The following CCDC180 variants were observed in gnomAD, a reference collection of about 807,000 sequenced individuals.
CCDC180 encodes coiled-coil domain containing 180, also known as coiled-coil domain-containing protein 180.
CCDC180 carries 154 observed loss-of-function variants against 209.2 expected under a neutral mutation model. That is an observed-to-expected ratio of 0.74 (90% CI 0.65 to 0.84). The LOEUF (loss-of-function observed/expected upper bound fraction) is 0.84. Among genes scored for constraint, CCDC180 ranks in the 40% least tolerant of loss-of-function variants. The pLI, the probability that CCDC180 is intolerant of heterozygous loss-of-function variation, is 0.00. For synonymous variants in CCDC180, 778 were observed against 749.1 expected (o/e 1.04, Z -0.63); for missense variants, 1,874 against 1,997.3 (o/e 0.94, Z 1.18).
intron 14 of CCDC180, among the ~76,000 whole-genome samples, 193 bp downstream of exon 14, chr9:97,325,385 T>G (rs1184291104): frequency 6.6e-6 from 1 of 152,152 alleles, no homozygotes; most frequent in Non-Finnish European, 1.5e-5. Flanking sequence ...AGAGCATGCA[T>G]GAGAGACAGA....
In CCDC180 at chr9:97,366,800, G is replaced by T; in HGVS notation, c.4189+100G>T. 1 of 1,281,698 alleles carries T rather than the reference G, an allele frequency of 7.8e-7. No individual in the cohort carries two copies. Among genetic ancestry groups the T allele is most frequent in the Non-Finnish European group, 1.1e-6 (1 of 950,178 alleles). 79.4% of individuals were successfully genotyped at this position (1,281,698 alleles called of 1,614,324 possible). A position where few individuals can be genotyped will look rare whatever the true frequency, so the allele number is the denominator to read the frequency against. On this transcript the variant is annotated intron_variant, in intron 31 of 36. Coordinates refer to ENST00000529487, the MANE Select transcript of CCDC180 (RefSeq NM_020893.6). The surrounding 1 kb of genome is among the most constrained non-coding windows in gnomAD (Gnocchi z 4.3). Reference sequence around the variant, plus strand: ...TGTGGCCTGGATCCTCCCCTCTGGGGGAGGCAGAAGAGCTTCCCTGTGAAA... The same window carrying T: ...TGTGGCCTGGATCCTCCCCTCTGGGTGAGGCAGAAGAGCTTCCCTGTGAAA...
chr9:97,342,679 C>G (rs1826122312), intron 18 of CCDC180, among the ~76,000 whole-genome samples: 1 of 152,180 alleles, frequency 6.6e-6, no homozygotes, highest in Non-Finnish European at 1.5e-5. Context: ...CCTTATGCCT[C>G]CCTGGTTCTC....
chr9:97,359,776 T>G (rs1343972373), intron 25 of CCDC180, among the ~76,000 whole-genome samples: 2 of 152,030 alleles, frequency 1.3e-5, no homozygotes, highest in Non-Finnish European at 1.5e-5. Context: ...AAGGGTGCGT[T>G]GTCCTTCACT....
chr9:97,325,091 G>C lies in CCDC180; in HGVS notation c.1444G>C (p.Val482Leu). ...SHLFKYFQEV[V>L]QLWEAHQSEL... ...CCTCTTCAAGTATTTCCAGGAGGTG[G>C]TACAACTGTGGGAGGCACACCAGAG... Residue 482 changes from valine (V) to leucine (L), a missense_variant, in exon 14 of 37, where the codon GTA becomes CTA. Val to Leu is a conservative substitution (Grantham distance 32, BLOSUM62 1). Coordinates refer to ENST00000529487, the MANE Select transcript of CCDC180 (RefSeq NM_020893.6). The C allele has an allele frequency of 6.2e-7, 1 of 1,614,010 alleles. No individual in the cohort carries two copies. Among genetic ancestry groups the C allele is most frequent in the East Asian group, 2.2e-5 (1 of 44,880 alleles).
chr9:97,363,309 G>A (rs544780463), intron 28 of CCDC180, among the ~76,000 whole-genome samples: 4 of 152,322 alleles, frequency 2.6e-5, no homozygotes, highest in Admixed American at 6.5e-5. Flanking sequence ...GTGATATTGT[G>A]TAGCTTCCTG....
Position 97,308,034 on chromosome 9 carries a change from C to T in CCDC180, c.-30C>T, listed in dbSNP as rs754929611. 8 of 1,612,382 alleles carry T rather than the reference C, an allele frequency of 5.0e-6. No individual in the cohort carries two copies. The highest frequency in any genetic ancestry group is 2.2e-5 in the East Asian group (1 of 44,866). On this transcript the variant is annotated 5_prime_UTR_variant, in exon 2 of 37. Transcript: ENST00000529487. Reference sequence around the variant, plus strand: ...AGACGCGTTTCCTGGACGACGGCTTCCCGGCAGGGGCATCCAGCCAGCGGC... The same window carrying T: ...AGACGCGTTTCCTGGACGACGGCTTTCCGGCAGGGGCATCCAGCCAGCGGC...
intron 22 of CCDC180, among the ~76,000 whole-genome samples, chr9:97,351,763 G>A (rs993279872): frequency 6.6e-6 from 1 of 152,044 alleles, no homozygotes; most frequent in African/African-American, 2.4e-5. Flanking sequence ...CCAAATCATG[G>A]TGATGTAGGG....
chr9:97,334,099 CTTA>C (rs1364488020), intron 18 of CCDC180, among the ~76,000 whole-genome samples: 1 of 151,944 alleles, frequency 6.6e-6, no homozygotes, highest in Non-Finnish European at 1.5e-5. Context: ...CATACATGTT[CTTA>C]TTCTGTTTCC....
rs533490021 is a variant in CCDC180, at chr9:97,340,982, T to G, written c.2275-2358T>G. Among the ~76,000 whole-genome samples the G allele has an allele frequency of 5.9e-5, 9 of 152,348 alleles. No homozygotes were observed. The South Asian group carries it at 1.9e-3, about 32-fold the overall frequency. ...TCCATCCTGTACACCTGGTTCTGCC[T>G]TCTAGATAGCAGTAGTAAATTAGTG... is the stretch of plus-strand genomic sequence containing the variant. On this transcript the variant is annotated intron_variant, in intron 18 of 36. Coordinates refer to ENST00000529487, the MANE Select transcript of CCDC180 (RefSeq NM_020893.6).
At chr9:97,364,404 T>A (rs891248909) in intron 29 of CCDC180, 1 of 380,478 alleles carries the variant, frequency 2.6e-6, no homozygotes, top group Non-Finnish European at 4.7e-6. Flanking sequence ...TGAACTTTTT[T>A]TTGTAATTTT....
intron 16 of CCDC180, among the ~76,000 whole-genome samples, chr9:97,328,557 T>C (rs1048690917): frequency 2.6e-4 from 39 of 152,140 alleles, no homozygotes; most frequent in African/African-American, 9.2e-4. Context: ...CTCTCTCTGC[T>C]TCCCACCTTG....
chr9:97,352,054 C>T (rs1014373227), intron 22 of CCDC180, among the ~76,000 whole-genome samples: 4 of 151,780 alleles, frequency 2.6e-5, no homozygotes, highest in East Asian at 1.9e-4. Flanking sequence ...CGGAGGTTGC[C>T]GTGAGCTGAG....
chr9:97,347,429 C>G lies in CCDC180; in HGVS notation c.2614C>G (p.Leu872Val). Reference protein sequence around the residue: ...NELDSELELHLHLHQPRAQQI... With the variant: ...NELDSELELHVHLHQPRAQQI... ...GCTGGATTCAGAACTGGAGCTGCATCTGCACCTGCACCAGCCAAGAGCCCA... is the reference window on the plus strand; with the variant it reads ...GCTGGATTCAGAACTGGAGCTGCATGTGCACCTGCACCAGCCAAGAGCCCA... The change falls in exon 20 of 37, where the codon CTG becomes GTG. Residue 872 changes from leucine to valine, a missense_variant. Coordinates refer to ENST00000529487, the MANE Select transcript of CCDC180 (RefSeq NM_020893.6). The G allele has an allele frequency of 6.5e-7, 1 of 1,536,174 alleles. No homozygotes were observed. Among genetic ancestry groups the G allele is most frequent in the South Asian group, 1.2e-5 (1 of 84,060 alleles).
At chr9:97,372,374 C>T (rs899732206) in intron 34 of CCDC180, 2 of 152,282 alleles carry the variant, frequency 1.3e-5, no homozygotes, top group South Asian at 2.1e-4. Context: ...ACATGGATAC[C>T]GCTGTCATAG....
chr9:97,369,906 C>A lies in CCDC180; in HGVS notation c.4190-16C>A, dbSNP rs776219149. The A allele has an allele frequency of 5.0e-6, 8 of 1,613,736 alleles. No individual in the cohort carries two copies. In the East Asian group the frequency reaches 1.8e-4, roughly 36 times the overall value. On this transcript the variant is annotated splice_polypyrimidine_tract_variant and intron_variant, in intron 31 of 36. Coordinates refer to ENST00000529487, the MANE Select transcript of CCDC180 (RefSeq NM_020893.6). The stretch of plus-strand genomic sequence containing the variant: ...ATCTGTTCCCTCCCTTGGCCTCTTA[C>A]CCGCACTTCTGGCAGAATTACGGAT...
Position 97,360,102 on chromosome 9 carries a change from G to C in CCDC180, c.3483+1G>C. ...GTCCATGACTGAACTGGTCTTTACCGTAAGGAATGGGATAGGGTGGCAGGA... is the reference window on the plus strand; with the variant it reads ...GTCCATGACTGAACTGGTCTTTACCCTAAGGAATGGGATAGGGTGGCAGGA... On this transcript the variant is annotated splice_donor_variant, in intron 26 of 36. Coordinates refer to ENST00000529487, the MANE Select transcript of CCDC180 (RefSeq NM_020893.6). LOFTEE classifies it high-confidence loss of function. 1 of 1,613,366 alleles carries C rather than the reference G, an allele frequency of 6.2e-7. No homozygotes were observed. Among genetic ancestry groups the C allele is most frequent in the South Asian group, 1.1e-5 (1 of 90,958 alleles).
At position 97,314,422 on chromosome 9, in the gene CCDC180, G is replaced by A. The variant is rs1336301953; in HGVS notation, c.489G>A (p.Gly163=). 6.2e-6 allele frequency: 10 copies of A among 1,614,020 alleles called. No homozygotes were observed. Among genetic ancestry groups the A allele is most frequent in the Non-Finnish European group, 8.5e-6 (10 of 1,180,030 alleles). The change falls in exon 6 of 37, where the codon GGG becomes GGA. Residue 163 remains glycine (G), a synonymous_variant. Coordinates refer to ENST00000529487, the MANE Select transcript of CCDC180 (RefSeq NM_020893.6). ...TGGAACCTCTCATCGTGGACACAGG[G>A]GGACTTTTTTTGAAGAAGCTGACTG... is the stretch of plus-strand genomic sequence containing the variant. The part of the protein sequence containing the change: ...KEMEPLIVDT[G]GLFLKKLTES...
At chr9:97,357,487 T>C in intron 24 of CCDC180, 140 bp from the exon 25 acceptor site, 1 of 683,690 alleles carries the variant, frequency 1.5e-6, no homozygotes, top group Non-Finnish European at 2.6e-6. Context: ...TGTATCAATG[T>C]CTGGTAAAAC....
intron 18 of CCDC180, among the ~76,000 whole-genome samples, chr9:97,334,147 A>C (rs1448477360): frequency 6.6e-6 from 1 of 152,148 alleles, no homozygotes; most frequent in Admixed American, 6.5e-5. Context: ...AATATTATTA[A>C]TTATTCTCTT....
Sources: allele counts gnomAD v4.1 joint callset (sites outside exome capture counted in the v4.1 genomes callset), GRCh38; gene constraint gnomAD v4.1.1; non-coding constraint Gnocchi (gnomAD v3.1); transcripts MANE v1.5; gene names NCBI Gene and HGNC (gene_info 2026-07-23, HGNC 2026-07-21).